NEK9: variants seen among roughly 807,000 people sequenced by gnomAD.
The protein encoded by NEK9 is serine/threonine-protein kinase Nek9.
Under a neutral mutation model 123.4 loss-of-function variants are expected in NEK9, and 75 were observed. The observed-to-expected ratio is 0.61, with a 90% CI of 0.50 to 0.74. The LOEUF (loss-of-function observed/expected upper bound fraction) is 0.74, where lower values mean the gene tolerates loss of function less well. Ranked by LOEUF, NEK9 falls within the 30% of genes least tolerant of loss-of-function variation. NEK9 has a pLI of 0.00. For synonymous variants in NEK9, 438 were observed against 458.7 expected, an observed-to-expected ratio of 0.95 and a Z score of 0.58; for missense variants, 952 against 1,214.4, an observed-to-expected ratio of 0.78 and a Z score of 3.21.
chr14:75,082,358 A>G lies in NEK9; in HGVS notation c.*2206T>C, dbSNP rs1020480224. On this transcript the variant is annotated 3_prime_UTR_variant, in exon 22 of 22. Coordinates refer to ENST00000238616, the MANE Select transcript of NEK9 (RefSeq NM_033116.6). ...GAATTAGCTACAGAAAACCATTCAA[A>G]GGCATTTCTACTGCCTCATCTTTTA... The G allele has an allele frequency of 6.6e-6, 1 of 152,220 alleles. No homozygotes were observed. The highest frequency in any genetic ancestry group is 2.4e-5 in the African/African-American group (1 of 41,450). 9.4% of individuals were successfully genotyped at this position (152,220 alleles called of 1,614,324 possible).
intron 6 of NEK9, among the ~76,000 whole-genome samples, chr14:75,115,057 A>G (rs904623149): frequency 1.8e-4 from 18 of 100,872 alleles, no homozygotes; most frequent in Admixed American, 4.7e-4. Flanking sequence ...GTACATGTAC[A>G]CACACGTGTG....
intron 13 of NEK9, among the ~76,000 whole-genome samples, chr14:75,104,480 CTT>C (rs1894705138): frequency 8.0e-6 from 1 of 124,712 alleles, no homozygotes; most frequent in African/African-American, 2.7e-5. Context: ...CTACTATTTT[CTT>C]TTCTTCTTTT....
At chr14:75,097,346 T>A in intron 16 of NEK9, 76 bp from the exon 17 acceptor site, 1 of 1,276,348 alleles carries the variant, frequency 7.8e-7, no homozygotes, top group East Asian at 2.4e-5. Flanking sequence ...CATCTTTATA[T>A]CCTAGAGCTA....
At chr14:75,090,389 A>G (rs1458064408) in intron 19 of NEK9, among the ~76,000 whole-genome samples, 3 of 152,040 alleles carry the variant, frequency 2.0e-5, no homozygotes, top group African/African-American at 7.2e-5. Flanking sequence ...TTCACCAGCA[A>G]TTCCATCACT....
At chr14:75,097,018 C>A in intron 17 of NEK9, 82 bp downstream of exon 17, 1 of 1,360,508 alleles carries the variant, frequency 7.4e-7, no homozygotes, top group Non-Finnish European at 9.9e-7. Flanking sequence ...ATTTCTGTTT[C>A]CAACAATGTG....
rs1895552066 is a variant in NEK9 at position 75,126,850 on chromosome 14, A to G, written c.72T>C (p.Gly24=). 1 of 1,532,810 alleles carries G rather than the reference A, an allele frequency of 6.5e-7. No individual in the cohort carries two copies. The highest frequency in any genetic ancestry group is 2.6e-5 in the East Asian group (1 of 38,426). The allele number at this position is 1,532,810 out of a possible 1,614,324, so 95.0% of individuals were successfully genotyped here. The change falls in exon 1 of 22, where the codon GGT becomes GGC. Residue 24 remains glycine, a synonymous_variant. Coordinates refer to ENST00000238616, the MANE Select transcript of NEK9 (RefSeq NM_033116.6). ...TAGGCCCCGGACTCGAGTCCCCGCA[A>G]CCCCCGGACTCGCTCCCAAAGTCCG... The part of the protein sequence containing the change: ...INSDFGSESG[G]CGDSSPGPSA...
chr14:75,121,613 C>T (rs1280010828), intron 2 of NEK9, among the ~76,000 whole-genome samples: 2 of 152,184 alleles, frequency 1.3e-5, no homozygotes, highest in Admixed American at 1.3e-4. Flanking sequence ...CTTTGGGAGG[C>T]TGAGGTGGGC....
chr14:75,098,277 TTGTC>T (rs940142661), intron 16 of NEK9, among the ~76,000 whole-genome samples: 1 of 152,124 alleles, frequency 6.6e-6, no homozygotes, highest in African/African-American at 2.4e-5. Context: ...TATACTAAGT[TTGTC>T]TGAGATGCCT....
intron 20 of NEK9, 51 bp downstream of exon 20, chr14:75,088,429 T>C: frequency 6.3e-7 from 1 of 1,581,294 alleles, no homozygotes; most frequent in Non-Finnish European, 8.6e-7. Context: ...CAGGCAGAGC[T>C]TGCAGTGACT....
chr14:75,086,660 C>T lies in NEK9; in HGVS notation c.2817+358G>A, dbSNP rs972633494. The T allele has an allele frequency of 4.0e-5, 9 of 226,666 alleles. No individual in the cohort carries two copies. The Admixed American group carries it at 4.4e-4, about 11-fold the overall frequency. The allele number at this position is 226,666 out of a possible 1,614,324, so 14.0% of individuals were successfully genotyped here. On this transcript the variant is annotated intron_variant, in intron 21 of 21. Transcript: ENST00000238616. ...TGGTGGCTCACACCTGTAATCCCAG[C>T]ACTTTGGGAGGCTGAGGCGGGTGGA...
At chr14:75,095,301 A>G (rs1894346093) in intron 18 of NEK9, 71 bp downstream of exon 18, 1 of 1,005,852 alleles carries the variant, frequency 9.9e-7, no homozygotes, top group South Asian at 1.5e-5. Context: ...TGGGTTTTGG[A>G]GTCTACATGG....
At position 75,091,469 on chromosome 14, in the gene NEK9, C is replaced by G. The variant is rs1200875570; in HGVS notation, c.2243G>C (p.Ser748Thr). 1.6e-5 allele frequency: 25 copies of G among 1,585,832 alleles called. No individual in the cohort carries two copies. Among genetic ancestry groups the G allele is most frequent in the Non-Finnish European group, 2.1e-5 (25 of 1,167,948 alleles). The stretch of plus-strand genomic sequence containing the variant: ...CCCGCCGCCTCCTCCCGGGCTAGAG[C>G]TCTGAAACACTGACAGATATACAGC... ...SGLSIGTVFQ[S>T]SSPGGGGGGG... The change falls in exon 19 of 22, where the codon AGC (serine) becomes ACC (threonine). Residue 748 changes from serine (S) to threonine (T), a missense_variant. By Grantham distance (58) the Ser-to-Thr change is moderately conservative. Around this residue, in one of 4 missense-constraint regions of NEK9, gnomAD observed 698 missense variants for 875.6 expected, o/e 0.80. Coordinates refer to ENST00000238616, the MANE Select transcript of NEK9 (RefSeq NM_033116.6).
At chr14:75,106,937 G>A (rs1432015072) in intron 11 of NEK9, among the ~76,000 whole-genome samples, 1 of 152,008 alleles carries the variant, frequency 6.6e-6, no homozygotes, top group Non-Finnish European at 1.5e-5. Flanking sequence ...CACATTAAAA[G>A]GACTTAAAAT....
Position 75,097,094 on chromosome 14 carries a change from T to G in NEK9, c.2173+6A>C. The G allele has an allele frequency of 1.9e-6, 3 of 1,597,946 alleles. No homozygotes were observed. Among genetic ancestry groups the G allele is most frequent in the Non-Finnish European group, 1.7e-6 (2 of 1,170,982 alleles). ...CATCCCAACCCCAGACATATGAAAC[T>G]CTTACCAACGATGAGAATGGTATGC... On this transcript the variant is annotated splice_donor_region_variant and intron_variant, in intron 17 of 21. Coordinates refer to ENST00000238616, the MANE Select transcript of NEK9 (RefSeq NM_033116.6).
In NEK9 at chr14:75,098,619, T is replaced by C. The variant is rs369741255; in HGVS notation, c.2003-1349A>G. ...AGCACCTAACACCTGCCTGTGCTAG[T>C]CCCCTATTCTACTAGAGTGTGAGCT... On this transcript the variant is annotated intron_variant, in intron 16 of 21. Transcript: ENST00000238616. Among the ~76,000 whole-genome samples, 6 of 152,314 alleles carry C rather than the reference T, an allele frequency of 3.9e-5. No homozygotes were observed. In the South Asian group the frequency reaches 8.3e-4, roughly 21 times the overall value.
chr14:75,120,450 T>TC (rs1037646396), intron 4 of NEK9, 60 bp downstream of exon 4: 2 of 1,164,624 alleles, frequency 1.7e-6, no homozygotes, highest in African/African-American at 3.1e-5. Flanking sequence ...TGGGGGGGTA[T>TC]CCACGGTAGG....
Position 75,126,802 on chromosome 14 carries a change from G to A in NEK9, c.120C>T (p.Ala40=), listed in dbSNP as rs1022347040. 2 of 1,531,420 alleles carry A rather than the reference G, an allele frequency of 1.3e-6. No homozygotes were observed. Among genetic ancestry groups the A allele is most frequent in the Non-Finnish European group, 1.8e-6 (2 of 1,139,920 alleles). 94.9% of individuals were successfully genotyped at this position (1,531,420 alleles called of 1,614,324 possible). The change falls in exon 1 of 22, where the codon GCC becomes GCT. Residue 40 remains alanine (A), a synonymous_variant. Coordinates refer to ENST00000238616, the MANE Select transcript of NEK9 (RefSeq NM_033116.6). ...CCTCCTGCTCCGCCGCGCCGCCGCC[G>A]GCTCGCGGCCCCTGACTGGCGCTAG... ...PGPSASQGPR[A]GGGAAEQEEL...
intron 19 of NEK9, among the ~76,000 whole-genome samples, chr14:75,090,794 AGCTCCTAG>A (rs1894191589): frequency 6.6e-6 from 1 of 152,054 alleles, no homozygotes; most frequent in African/African-American, 2.4e-5. Context: ...GCTGGTCTTG[AGCTCCTAG>A]GCTCAAGTGA....
At chr14:75,117,162 T>G in intron 6 of NEK9, 33 bp downstream of exon 6, 2 of 1,603,004 alleles carry the variant, frequency 1.2e-6, no homozygotes, top group Non-Finnish European at 1.7e-6. Flanking sequence ...TGCAACCTGC[T>G]AAATGCAATA....
Sources: gnomAD v4.1 joint callset for allele counts (sites outside exome capture counted in the v4.1 genomes callset) on GRCh38, gnomAD v4.1.1 for gene constraint, gnomAD v4.1.1 regional missense constraint, MANE v1.5 for transcripts, NCBI Gene and HGNC (gene_info 2026-07-23, HGNC 2026-07-21) for gene names.